SLC25A43: variants seen among roughly 807,000 people sequenced by gnomAD.
SLC25A43 encodes solute carrier family 25 member 43.
In SLC25A43, 10 loss-of-function variants were observed where a neutral mutation model predicts 22.8. The ratio of observed to expected loss-of-function variants is 0.44; its 90% CI spans 0.27 to 0.74. The LOEUF (loss-of-function observed/expected upper bound fraction) is 0.74. Ranked by LOEUF, SLC25A43 falls within the 30% of genes least tolerant of loss-of-function variation. SLC25A43 has a pLI of 0.17. For missense variants in SLC25A43, 233 were observed against 279.1 expected (o/e 0.83, Z 1.18); for synonymous variants, 106 against 121.6 (o/e 0.87, Z 0.84).
chrX:119,445,038 CAAAAAAAAA>C (rs780253357), intron 3 of SLC25A43, among the ~76,000 whole-genome samples: 401 of 35,554 alleles, frequency 0.011, 2 homozygotes, highest in South Asian at 0.05. Flanking sequence ...ACCCTGTCTC[CAAAAAAAAA>C]AAAAAAAAAA....
chrX:119,419,379 G>T (rs888583024), intron 3 of SLC25A43, among the ~76,000 whole-genome samples: 1 of 111,815 alleles, frequency 8.9e-6, no homozygotes, highest in African/African-American at 3.3e-5. Context: ...CATTTGAACT[G>T]AAAGCACATA....
At chrX:119,441,562 T>C (rs1000914221) in intron 3 of SLC25A43, among the ~76,000 whole-genome samples, 1 of 111,884 alleles carries the variant, frequency 8.9e-6, no homozygotes, top group African/African-American at 3.2e-5. Context: ...ATCATCTGTG[T>C]CTTTTTAAAA....
chrX:119,444,621 T>G (rs2052649569), intron 3 of SLC25A43, among the ~76,000 whole-genome samples: 1 of 108,066 alleles, frequency 9.3e-6, no homozygotes, highest in Admixed American at 1.0e-4. Context: ...GAGAATCACT[T>G]GAACCCAGGA....
chrX:119,413,706 CAAA>C (rs761049328), intron 3 of SLC25A43, among the ~76,000 whole-genome samples: 1 of 46,418 alleles, frequency 2.2e-5, no homozygotes, highest in Non-Finnish European at 4.3e-5. Context: ...GACTCCATCT[CAAA>C]AAAAAAAAAA....
At chrX:119,406,745 T>C in intron 2 of SLC25A43, 44 bp downstream of exon 2, 1 of 1,182,586 alleles carries the variant, frequency 8.5e-7, no homozygotes, top group Non-Finnish European at 1.1e-6. Flanking sequence ...GGCTATGTTC[T>C]CTGAAATTAC....
chrX:119,410,405 A>C, intron 3 of SLC25A43, 43 bp downstream of exon 3: 1 of 1,183,645 alleles, frequency 8.4e-7, no homozygotes, highest in Non-Finnish European at 1.1e-6. Flanking sequence ...AATGCTTTGT[A>C]GTGTTTGTGG....
chrX:119,445,985 T>G (rs1432596211), intron 3 of SLC25A43, among the ~76,000 whole-genome samples: 1 of 108,673 alleles, frequency 9.2e-6, no homozygotes, highest in Non-Finnish European at 1.9e-5. Context: ...AAACCCCACC[T>G]CTACTAAAAG....
intron 2 of SLC25A43, among the ~76,000 whole-genome samples, chrX:119,409,672 G>A (rs757308167): frequency 4.1e-4 from 45 of 110,608 alleles, no homozygotes; most frequent in Middle Eastern, 4.8e-3. Context: ...CTGGGGTGCC[G>A]TGGTGCGATC....
At chrX:119,400,740 A>C (rs1459317659) in intron 1 of SLC25A43, among the ~76,000 whole-genome samples, 1 of 112,417 alleles carries the variant, frequency 8.9e-6, no homozygotes, top group African/African-American at 3.2e-5. Flanking sequence ...CCTCTAGGCC[A>C]GTACTCATTT....
At chrX:119,432,883 G>A (rs1031304555) in intron 3 of SLC25A43, among the ~76,000 whole-genome samples, 10 of 109,891 alleles carry the variant, frequency 9.1e-5, no homozygotes, top group African/African-American at 2.7e-4. Flanking sequence ...GGCTGAGGCA[G>A]GTGGATCACA....
intron 3 of SLC25A43, chrX:119,426,164 ACCT>A (rs1388234106): frequency 2.7e-6 from 2 of 746,580 alleles, no homozygotes; most frequent in Admixed American, 1.8e-4. Flanking sequence ...ACCAATTTTC[ACCT>A]CCTTTTTTCC....
rs924743842 is a variant in SLC25A43 at position 119,453,121 on chromosome X, T to C, written c.*56T>C. 5 of 1,018,149 alleles carry C rather than the reference T, an allele frequency of 4.9e-6. No homozygotes were observed. The African/African-American group carries it at 5.6e-5, about 11-fold the overall frequency. The allele number at this position is 1,018,149 out of a possible 1,213,427, so 83.9% of individuals were successfully genotyped here. On this transcript the variant is annotated 3_prime_UTR_variant, in exon 5 of 5. Transcript: ENST00000217909. ...ACAGCATGTTGCAATCACAGATAAA[T>C]GTAGCCTCATAACTGTGCACCTGAG... is the stretch of plus-strand genomic sequence containing the variant.
chrX:119,400,253 C>T (rs1408609520), intron 1 of SLC25A43, among the ~76,000 whole-genome samples: 1 of 110,573 alleles, frequency 9.0e-6, no homozygotes, highest in Admixed American at 9.7e-5. Flanking sequence ...GCAGCTTCCC[C>T]TCCCCAAGCT....
chrX:119,404,544 C>T (rs1035054213), intron 1 of SLC25A43, among the ~76,000 whole-genome samples: 4 of 111,854 alleles, frequency 3.6e-5, no homozygotes, highest in African/African-American at 1.3e-4. Context: ...TCCACATGTT[C>T]AGCCATCCAG....
At chrX:119,408,049 A>G (rs779925823) in intron 2 of SLC25A43, among the ~76,000 whole-genome samples, 1 of 110,494 alleles carries the variant, frequency 9.1e-6, no homozygotes, top group Non-Finnish European at 1.9e-5. Flanking sequence ...CTCCACGTGC[A>G]ATTTCATCGT....
At chrX:119,421,111 CAAAAAAAAAAAAAAAA>C (rs55775067) in intron 3 of SLC25A43, among the ~76,000 whole-genome samples, 3 of 50,393 alleles carry the variant, frequency 6.0e-5, no homozygotes, top group Non-Finnish European at 7.3e-5. Flanking sequence ...AACTTCATCT[CAAAAAAAAAAAAAAAA>C]AAAAAAAAAA....
chrX:119,410,505 A>C, intron 3 of SLC25A43, 143 bp downstream of exon 3: 1 of 606,648 alleles, frequency 1.6e-6, no homozygotes, highest in Non-Finnish European at 2.4e-6. Context: ...GCAAACCCCC[A>C]CTCTGTGGCA....
chrX:119,410,691 C>T (rs1026325670), intron 3 of SLC25A43, among the ~76,000 whole-genome samples: 4 of 110,563 alleles, frequency 3.6e-5, no homozygotes, highest in Admixed American at 1.9e-4. Context: ...GAGTCCAAGA[C>T]CAGCCTGGCC....
rs866733674 is a variant in SLC25A43 at position 119,406,765 on chromosome X, G to C, written c.517+64G>C. On this transcript the variant is annotated intron_variant, in intron 2 of 4. Coordinates refer to ENST00000217909, the MANE Select transcript of SLC25A43 (RefSeq NM_145305.3). ...TGTTCTCTGAAATTACAAATGTATTGTATACCTTTGTGAGCCACTAAATCA... is the reference window on the plus strand; with the variant it reads ...TGTTCTCTGAAATTACAAATGTATTCTATACCTTTGTGAGCCACTAAATCA... 2.7e-6 allele frequency: 3 copies of C among 1,121,336 alleles called. No homozygotes were observed. The Middle Eastern group carries it at 8.7e-4, about 325-fold the overall frequency. 92.4% of individuals were successfully genotyped at this position (1,121,336 alleles called of 1,213,427 possible).
Sources: allele counts gnomAD v4.1 joint callset (sites outside exome capture counted in the v4.1 genomes callset), GRCh38; gene constraint gnomAD v4.1.1; transcripts MANE v1.5; gene names NCBI Gene and HGNC (gene_info 2026-07-23, HGNC 2026-07-21).